The following NUP205 variants were observed in gnomAD, a reference collection of about 807,000 sequenced individuals.
NUP205 encodes nucleoporin 205.
A neutral mutation model predicts 253.8 loss-of-function variants in NUP205; 76 were observed. The observed-to-expected ratio is 0.30, with a 90% CI of 0.25 to 0.36. The LOEUF (loss-of-function observed/expected upper bound fraction) is 0.36. NUP205 is among the 10% of genes least tolerant of loss of function. NUP205 has a pLI of 1.00. For synonymous variants in NUP205, 832 were observed against 850.1 expected, an observed-to-expected ratio of 0.98 and a Z score of 0.37; for missense variants, 2,162 against 2,425.5, an observed-to-expected ratio of 0.89 and a Z score of 2.28.
chr7:135,621,634 T>C (rs1794471581), intron 30 of NUP205, among the ~76,000 whole-genome samples: 1 of 152,226 alleles, frequency 6.6e-6, no homozygotes, highest in Non-Finnish European at 1.5e-5. Context: ...AAATGTATGA[T>C]CATACTGTTC....
rs574321281 is a variant in NUP205, at chr7:135,625,366, C to T, written c.4671+11C>T. On this transcript the variant is annotated intron_variant, in intron 32 of 42. Transcript: ENST00000285968. ...TATGAATCTAAAATGGTAAGGCTTT[C>T]TAGACATTTGATGTTAGATCAAGAA... 2.0e-5 allele frequency: 32 copies of T among 1,561,628 alleles called. No individual in the cohort carries two copies. The East Asian group carries it at 6.8e-4, about 33-fold the overall frequency.
At chr7:135,582,696 C>T (rs1171212269) in intron 7 of NUP205, among the ~76,000 whole-genome samples, 1 of 152,106 alleles carries the variant, frequency 6.6e-6, no homozygotes, top group Non-Finnish European at 1.5e-5. Context: ...AACTCCTGGG[C>T]TCAAGCAATC....
rs776683835 is a variant in NUP205 at position 135,571,113 on chromosome 7, C to T, written c.37C>T (p.Leu13=). The T allele has an allele frequency of 3.9e-6, 6 of 1,552,924 alleles. No homozygotes were observed. The highest frequency in any genetic ancestry group is 5.2e-6 in the Non-Finnish European group (6 of 1,150,198). The part of the protein sequence containing the change: ...TPLAVNSAAS[L]WGPYKDIWHK... ...TTTATTTTTTCTTTAAGCTGCTAGT[C>T]TATGGGGTCCTTACAAAGACATTTG... The change falls in exon 2 of 43, where the codon CTA becomes TTA. Residue 13 remains leucine, a synonymous_variant. Coordinates refer to ENST00000285968, the MANE Select transcript of NUP205 (RefSeq NM_015135.3).
At chr7:135,626,729 A>T (rs1184709260) in intron 33 of NUP205, among the ~76,000 whole-genome samples, 1 of 152,162 alleles carries the variant, frequency 6.6e-6, no homozygotes, top group Non-Finnish European at 1.5e-5. Context: ...TTCTGATTTC[A>T]ATATTTTGCT....
rs376899501 is a variant in NUP205, at chr7:135,568,081, C to T, written c.29-3024C>T. Among the ~76,000 whole-genome samples the T allele has an allele frequency of 7.9e-5, 12 of 151,990 alleles. No homozygotes were observed. In the East Asian group the frequency reaches 2.0e-3, roughly 25 times the overall value. ...CTCTAATAAAAATACAAAAATTAGACGGGCGTGGTGGCACGCCTGTAATCC... is the reference window on the plus strand; with the variant it reads ...CTCTAATAAAAATACAAAAATTAGATGGGCGTGGTGGCACGCCTGTAATCC... On this transcript the variant is annotated intron_variant, in intron 1 of 42. Transcript: ENST00000285968.
At chr7:135,608,414 A>G (rs1045872776) in intron 22 of NUP205, among the ~76,000 whole-genome samples, 1 of 152,192 alleles carries the variant, frequency 6.6e-6, no homozygotes, top group African/African-American at 2.4e-5. Flanking sequence ...TTAAACTATA[A>G]TGAGGGCTGG....
intron 20 of NUP205, 32 bp from the exon 21 acceptor site, chr7:135,606,719 T>C (rs1460154425): frequency 1.3e-6 from 2 of 1,579,450 alleles, no homozygotes; most frequent in South Asian, 2.2e-5. Context: ...TTCCACTGTT[T>C]TGTAATTTTG....
intron 13 of NUP205, among the ~76,000 whole-genome samples, chr7:135,595,621 G>A (rs1304282438): frequency 6.6e-6 from 1 of 152,156 alleles, no homozygotes; most frequent in African/African-American, 2.4e-5. Context: ...GAATGGGAAT[G>A]TGACAGTTGG....
At chr7:135,622,134 T>C (rs558940514) in intron 30 of NUP205, among the ~76,000 whole-genome samples, 6 of 151,328 alleles carry the variant, frequency 4.0e-5, no homozygotes, top group African/African-American at 1.5e-4. Flanking sequence ...AGATAAAAGA[T>C]TGATTAGCGG....
chr7:135,617,996 A>C (rs1453657399), intron 27 of NUP205, among the ~76,000 whole-genome samples: 1 of 151,826 alleles, frequency 6.6e-6, no homozygotes, highest in East Asian at 1.9e-4. Flanking sequence ...AGTTACAGAT[A>C]AGAGGTCAGG....
intron 15 of NUP205, among the ~76,000 whole-genome samples, chr7:135,600,389 C>G (rs969555133): frequency 1.3e-5 from 2 of 152,144 alleles, no homozygotes; most frequent in Non-Finnish European, 2.9e-5. Flanking sequence ...TGACTTTCAG[C>G]CTGTTTGCTG....
In NUP205 at chr7:135,615,961, C is replaced by T. The variant is rs1794347239; in HGVS notation, c.3356C>T (p.Thr1119Ile). Residue 1119 changes from threonine to isoleucine, a missense_variant, in exon 24 of 43, where the codon ACT becomes ATT. Thr to Ile is a moderately conservative substitution (Grantham distance 89). Around this residue, in one of 5 missense-constraint regions of NUP205, gnomAD observed 1,144 missense variants for 1,280.9 expected, o/e 0.89. Coordinates refer to ENST00000285968, the MANE Select transcript of NUP205 (RefSeq NM_015135.3). ...AACCAGATGTCATGGCTTATGAAAA[C>T]TGCCTCAATAGAGCTAAGGGTAACC... is the stretch of plus-strand genomic sequence containing the variant. ...MLNQMSWLMKTASIELRVTSL... is the reference protein window; with the variant it reads ...MLNQMSWLMKIASIELRVTSL... The T allele has an allele frequency of 1.2e-6, 2 of 1,613,386 alleles. No homozygotes were observed. The highest frequency in any genetic ancestry group is 1.7e-5 in the Admixed American group (1 of 59,934).
chr7:135,646,623 A>C (rs894936275), intron 42 of NUP205, among the ~76,000 whole-genome samples: 2 of 152,230 alleles, frequency 1.3e-5, no homozygotes, highest in African/African-American at 4.8e-5. Context: ...AAATGAATGA[A>C]TGTAAGTAAG....
At chr7:135,604,541 G>A in intron 19 of NUP205, 81 bp downstream of exon 19, 1 of 1,335,346 alleles carries the variant, frequency 7.5e-7, no homozygotes, top group Non-Finnish European at 1.0e-6. Context: ...GTCTATGGAG[G>A]AATCATATTC....
chr7:135,589,325 G>A (rs1382359865), intron 10 of NUP205, among the ~76,000 whole-genome samples: 1 of 147,858 alleles, frequency 6.8e-6, no homozygotes, highest in African/African-American at 2.5e-5. Flanking sequence ...CGCTCTTGTT[G>A]CCCAGGCTGG....
intron 35 of NUP205, among the ~76,000 whole-genome samples, chr7:135,631,925 A>G (rs1419061894): frequency 6.6e-6 from 1 of 151,720 alleles, no homozygotes; most frequent in African/African-American, 2.4e-5. Flanking sequence ...AATTTTTTGT[A>G]TTTTTAGTAG....
At chr7:135,580,844 T>C (rs923786160) in intron 7 of NUP205, among the ~76,000 whole-genome samples, 13 of 152,070 alleles carry the variant, frequency 8.5e-5, no homozygotes, top group African/African-American at 2.4e-4. Flanking sequence ...CACAATCTTA[T>C]GCTATAATTG....
intron 22 of NUP205, among the ~76,000 whole-genome samples, chr7:135,609,283 CCTGA>C (rs1477470930): frequency 6.6e-6 from 1 of 151,520 alleles, no homozygotes; most frequent in African/African-American, 2.4e-5. Flanking sequence ...AAAAATTCAT[CCTGA>C]CTAACACAAT....
intron 13 of NUP205, among the ~76,000 whole-genome samples, chr7:135,596,977 G>GA (rs1793855184): frequency 1.3e-5 from 2 of 148,976 alleles, no homozygotes; most frequent in Non-Finnish European, 3.0e-5. Context: ...AAAAAAAATT[G>GA]AAAAAAAGAA....
Sources: allele counts gnomAD v4.1 joint callset (sites outside exome capture counted in the v4.1 genomes callset), GRCh38; gene constraint gnomAD v4.1.1; regional missense constraint gnomAD v4.1.1; transcripts MANE v1.5; gene names NCBI Gene and HGNC (gene_info 2026-07-23, HGNC 2026-07-21).